Variants in EPHA10 observed in about 807,000 individuals in gnomAD.
EPHA10 encodes the protein ephrin type-A receptor 10.
A neutral mutation model predicts 109.7 loss-of-function variants in EPHA10; 120 were observed. The ratio of observed to expected loss-of-function variants is 1.09; its 90% CI spans 0.94 to 1.27. The LOEUF is 1.27. Among genes scored for constraint, EPHA10 ranks in the 50% most tolerant of loss-of-function variants. EPHA10 has a pLI of 0.00. For synonymous variants in EPHA10, 640 were observed against 618.9 expected, an observed-to-expected ratio of 1.03 and a Z score of -0.51; for missense variants, 1,396 against 1,411.1, an observed-to-expected ratio of 0.99 and a Z score of 0.17.
intron 7 of EPHA10, among the ~76,000 whole-genome samples, chr1:37,728,732 G>A (rs565782758): frequency 6.6e-6 from 1 of 152,318 alleles, no homozygotes; most frequent in Admixed American, 6.5e-5. Context: ...CACAGAGCAA[G>A]TGAGGAGGAA....
Position 37,717,287 on chromosome 1 carries a change from G to C in EPHA10, c.*1085C>G, listed in dbSNP as rs2148299200. 4.3e-6 allele frequency: 1 copy of C among 233,020 alleles called. No homozygotes were observed. Among genetic ancestry groups the C allele is most frequent in the East Asian group, 6.1e-5 (1 of 16,524 alleles). 14.4% of individuals were successfully genotyped at this position (233,020 alleles called of 1,614,324 possible). ...CATGGAAGGCTGGGTAGTGCCCAAG[G>C]CACGGAGCTGGCTGGAGGGGAGTCG... is the stretch of plus-strand genomic sequence containing the variant. On this transcript the variant is annotated 3_prime_UTR_variant, in exon 17 of 17. Coordinates refer to ENST00000373048, the MANE Select transcript of EPHA10 (RefSeq NM_001099439.2).
intron 8 of EPHA10, among the ~76,000 whole-genome samples, chr1:37,725,651 G>A (rs1437324107): frequency 6.6e-6 from 1 of 152,114 alleles, no homozygotes; most frequent in Non-Finnish European, 1.5e-5. Flanking sequence ...GGCAGCTACT[G>A]AAGTCACCCA....
In EPHA10 at chr1:37,765,076, ACCGAG is replaced by A. The variant is rs1175981803; in HGVS notation, c.-15_-11del. On this transcript the variant is annotated 5_prime_UTR_variant, in exon 1 of 17. Transcript: ENST00000373048. ...CGGCGCAGGTCTCCATGGTCCGCAG[ACCGAG>A]CTGTCAGTCCGGCGGCGGCTCAAGC... 1.9e-6 allele frequency: 3 copies of A among 1,584,386 alleles called. No individual in the cohort carries two copies. The highest frequency in any genetic ancestry group is 2.6e-6 in the Non-Finnish European group (3 of 1,169,270).
intron 3 of EPHA10, among the ~76,000 whole-genome samples, chr1:37,758,835 G>A (rs953373458): frequency 4.6e-5 from 7 of 152,238 alleles, no homozygotes; most frequent in Middle Eastern, 3.4e-3. Flanking sequence ...GGAATGCACC[G>A]TGGACATCAT....
At chr1:37,762,630 T>G (rs1459470533) in intron 2 of EPHA10, among the ~76,000 whole-genome samples, 155 bp downstream of exon 2, 1 of 151,220 alleles carries the variant, frequency 6.6e-6, no homozygotes, top group Non-Finnish European at 1.5e-5. Context: ...AGACTCAATG[T>G]TTTCTAACAG....
rs1159747675 is a variant in EPHA10 at position 37,762,800 on chromosome 1, T to A, written c.156A>T (p.Ala52=). ...KASQAELGWT[A]LPSNGWEEIS... ...GTGCACTTACCCCATTACTTGGCAG[T>A]GCAGTCCAGCCCAGCTCGGCCTGGG... The change falls in exon 2 of 17, where the codon GCA becomes GCT. Residue 52 remains alanine, a synonymous_variant. Transcript: ENST00000373048. 2 of 1,553,424 alleles carry A rather than the reference T, an allele frequency of 1.3e-6. No homozygotes were observed. The highest frequency in any genetic ancestry group is 2.4e-5 in the South Asian group (2 of 83,954).
At chr1:37,753,300 G>C (rs1371548292) in intron 4 of EPHA10, 74 bp from the exon 5 acceptor site, 1 of 934,040 alleles carries the variant, frequency 1.1e-6, no homozygotes, top group Non-Finnish European at 1.4e-6. Flanking sequence ...GCACGAGGGG[G>C]GGGCGGGGTC....
Position 37,717,589 on chromosome 1 carries a change from T to C in EPHA10, c.*783A>G, listed in dbSNP as rs905348123. The C allele has an allele frequency of 1.7e-5, 4 of 231,400 alleles. No individual in the cohort carries two copies. In the Admixed American group the frequency reaches 2.3e-4, roughly 13 times the overall value. 14.3% of individuals were successfully genotyped at this position (231,400 alleles called of 1,614,324 possible). On this transcript the variant is annotated 3_prime_UTR_variant, in exon 17 of 17. Coordinates refer to ENST00000373048, the MANE Select transcript of EPHA10 (RefSeq NM_001099439.2). The stretch of plus-strand genomic sequence containing the variant: ...GGGAGATAACATGGCCCTTTATGCT[T>C]TTCCCAGATGTCCTGGCCACTAAGT...
At position 37,753,061 on chromosome 1, in the gene EPHA10, G is replaced by T; in HGVS notation, c.1172C>A (p.Pro391Gln). The change falls in exon 5 of 17, where the codon CCG becomes CAG. Residue 391 changes from proline (P) to glutamine (Q), a missense_variant. Pro to Gln is a moderately conservative substitution (Grantham distance 76). Coordinates refer to ENST00000373048, the MANE Select transcript of EPHA10 (RefSeq NM_001099439.2). ...TAGGAAGGCCACGCGCGGCCCGCAC[G>T]GCTCGCAGGCGCCCGCCGGGCCCTC... ...GREGPAGACE[P>Q]CGPRVAFLPR... 7.9e-7 allele frequency: 1 copy of T among 1,259,846 alleles called. No homozygotes were observed. The highest frequency in any genetic ancestry group is 1.0e-6 in the Non-Finnish European group (1 of 1,004,848). 78.0% of individuals were successfully genotyped at this position (1,259,846 alleles called of 1,614,324 possible).
At chr1:37,733,387 A>G (rs1646020998) in intron 6 of EPHA10, among the ~76,000 whole-genome samples, 1 of 151,204 alleles carries the variant, frequency 6.6e-6, no homozygotes, top group Non-Finnish European at 1.5e-5. Flanking sequence ...ATGCCTGGCT[A>G]ATTTCTTTTT....
At position 37,720,839 on chromosome 1, in the gene EPHA10, T is replaced by A; in HGVS notation, c.2152A>T (p.Thr718Ser). The A allele has an allele frequency of 6.2e-7, 1 of 1,613,978 alleles. No homozygotes were observed. Among genetic ancestry groups the A allele is most frequent in the Non-Finnish European group, 8.5e-7 (1 of 1,179,992 alleles). Residue 718 changes from threonine (T) to serine (S), a missense_variant, in exon 12 of 17, where the codon ACC becomes TCC. Thr to Ser is a moderately conservative substitution (Grantham distance 58). Transcript: ENST00000373048. Reference protein sequence around the residue: ...RLEGVVTRGSTLMIVTEYMSH... With the variant: ...RLEGVVTRGSSLMIVTEYMSH... ...ATGTACTCGGTGACAATCATCAAGG[T>A]GCTTCCTGTGCCCAGGGATGGGAAC...
At chr1:37,720,166 C>A (rs1489801099) in intron 13 of EPHA10, 108 bp from the exon 14 acceptor site, 1 of 1,472,142 alleles carries the variant, frequency 6.8e-7, no homozygotes, top group East Asian at 2.4e-5. Flanking sequence ...CAGGCAACCC[C>A]CAACTCCAGC....
intron 8 of EPHA10, among the ~76,000 whole-genome samples, chr1:37,726,285 C>T (rs1216978070): frequency 6.6e-6 from 1 of 152,220 alleles, no homozygotes; most frequent in East Asian, 1.9e-4. Context: ...TTGCCTGGTC[C>T]AGGCAGAGCT....
chr1:37,743,480 G>A lies in EPHA10; in HGVS notation c.1358-8090C>T, dbSNP rs545937557. ...AAATAAAATTCATTACAAATACAAG[G>A]AATTTTAACAAAATCACAAACAGAA... On this transcript the variant is annotated intron_variant, in intron 5 of 16. Transcript: ENST00000373048. Among the ~76,000 whole-genome samples the A allele has an allele frequency of 1.4e-4, 22 of 152,230 alleles. No individual in the cohort carries two copies. The South Asian group carries it at 3.7e-3, about 26-fold the overall frequency.
At chr1:37,724,892 C>T (rs187658491) in intron 8 of EPHA10, among the ~76,000 whole-genome samples, 206 of 152,308 alleles carry the variant, frequency 1.4e-3, no homozygotes, top group Non-Finnish European at 2.1e-3. Flanking sequence ...TGCCAGACAG[C>T]AGCATGTCAG....
intron 5 of EPHA10, among the ~76,000 whole-genome samples, chr1:37,742,168 G>C (rs1046548510): frequency 5.3e-5 from 8 of 152,212 alleles, no homozygotes; most frequent in Admixed American, 5.2e-4. Context: ...TCCAGCTGTA[G>C]ATTTGGGATG....
intron 15 of EPHA10, among the ~76,000 whole-genome samples, 189 bp downstream of exon 15, chr1:37,719,225 G>A (rs1010907760): frequency 1.4e-4 from 22 of 152,246 alleles, no homozygotes; most frequent in Admixed American, 1.4e-3. Flanking sequence ...AGGAGAAGCA[G>A]AAGTGACCAG....
intron 5 of EPHA10, among the ~76,000 whole-genome samples, chr1:37,741,275 A>T (rs2148345959): frequency 6.6e-6 from 1 of 152,362 alleles, no homozygotes; most frequent in South Asian, 2.1e-4. Context: ...TCTTACGCTG[A>T]GAGGAGACAA....
intron 8 of EPHA10, among the ~76,000 whole-genome samples, chr1:37,725,313 T>C (rs1022237609): frequency 2.6e-5 from 4 of 151,954 alleles, no homozygotes; most frequent in Admixed American, 6.6e-5. Flanking sequence ...GAGACCAGCC[T>C]GGCCAAAATG....
Sources: allele counts gnomAD v4.1 joint callset (sites outside exome capture counted in the v4.1 genomes callset), GRCh38; gene constraint gnomAD v4.1.1; transcripts MANE v1.5; gene names NCBI Gene and HGNC (gene_info 2026-07-23, HGNC 2026-07-21).